The following GGT1 variants were observed in gnomAD, a reference collection of about 807,000 sequenced individuals.
GGT1 encodes glutathione hydrolase 1 proenzyme.
In GGT1, 21 loss-of-function variants were observed where a neutral mutation model predicts 56.0. The ratio of observed to expected loss-of-function variants is 0.38; its 90% CI spans 0.27 to 0.54. GGT1 has a LOEUF of 0.54. GGT1 is among the 20% of genes least tolerant of loss of function. GGT1 has a pLI of 0.82. For missense variants in GGT1, 466 were observed against 787.0 expected (o/e 0.59, Z 4.88); for synonymous variants, 238 against 342.6 (o/e 0.69, Z 3.37).
chr22:24,619,857 ACATGCAGGCACCTGCACAGACAGACACCT>A (rs2047302991), intron 7 of GGT1, among the ~76,000 whole-genome samples: 1 of 150,784 alleles, frequency 6.6e-6, no homozygotes, highest in Non-Finnish European at 1.5e-5. Context: ...AGGATTTTAG[ACATGCAGGCACCTGCACAGACAGACACCT>A]CATCCTGGGA....
intron 1 of GGT1, among the ~76,000 whole-genome samples, chr22:24,605,389 G>A (rs867323047): frequency 0.025 from 1,753 of 69,286 alleles, 264 homozygotes; most frequent in Non-Finnish European, 0.034. Context: ...ATTATAATAT[G>A]TATTATATAT....
At chr22:24,617,145 T>C (rs111389810) in intron 7 of GGT1, among the ~76,000 whole-genome samples, 6 of 152,060 alleles carry the variant, frequency 3.9e-5, no homozygotes, top group African/African-American at 9.7e-5. Context: ...AATCTGGGAC[T>C]GTATAGAGGG....
At chr22:24,601,038 T>C (rs62231204), upstream of GGT1, among the ~76,000 whole-genome samples, 13,600 of 151,438 alleles carry the variant, frequency 0.09, 1,732 homozygotes, top group African/African-American at 0.29. Context: ...TGCTATGATG[T>C]TTGGATTTGA....
At chr22:24,586,434 G>A in the GGT1 span, 4 of 1,591,710 alleles carry the variant, frequency 2.5e-6, no homozygotes, top group Non-Finnish European at 3.4e-6. Flanking sequence ...GGCAGGTGGG[G>A]ATGGACTAGG....
chr22:24,584,805 C>A, the GGT1 span, among the ~76,000 whole-genome samples: 1 of 152,104 alleles, frequency 6.6e-6, no homozygotes, highest in African/African-American at 2.4e-5. Flanking sequence ...TCTCTAAATT[C>A]CTTTCCCGCC....
At chr22:24,615,982 T>C (rs1288444163) in intron 7 of GGT1, 1 of 151,366 alleles carries the variant, frequency 6.6e-6, no homozygotes, top group Non-Finnish European at 1.5e-5. Context: ...GGTGTGGCGG[T>C]GTGTGCTTAT....
chr22:24,588,511 C>T, the GGT1 span: 2 of 749,912 alleles, frequency 2.7e-6, no homozygotes, highest in Admixed American at 2.7e-5. Context: ...TGGCACAGAG[C>T]CAGGGGAGGC....
At chr22:24,624,683 G>T in intron 11 of GGT1, 1 of 983,608 alleles carries the variant, frequency 1.0e-6, no homozygotes. Flanking sequence ...GCTGGCTCGG[G>T]GTGCTGTTCC....
At chr22:24,627,827 A>T in intron 12 of GGT1, 25 bp from the exon 13 acceptor site, 1 of 1,576,578 alleles carries the variant, frequency 6.3e-7, no homozygotes, top group Non-Finnish European at 8.7e-7. Flanking sequence ...AAGGTCGGGC[A>T]CTGTCTGACC....
Position 24,627,639 on chromosome 22 carries a change from CTGGG to C in GGT1, c.1208+25_1208+28del. On this transcript the variant is annotated intron_variant, in intron 12 of 15. Transcript: ENST00000400382. ...CCTCTAGTAGGGGCTGCTGGGCCGC[CTGGG>C]TGGGAAAGGGCCAGGGGCGGGTGGC... 2 of 1,577,170 alleles carry C rather than the reference CTGGG, an allele frequency of 1.3e-6. No individual in the cohort carries two copies. The highest frequency in any genetic ancestry group is 1.7e-6 in the Non-Finnish European group (2 of 1,162,376).
intron 11 of GGT1, among the ~76,000 whole-genome samples, chr22:24,626,129 A>G (rs1305279534): frequency 6.8e-6 from 1 of 146,420 alleles, no homozygotes; most frequent in Non-Finnish European, 1.5e-5. Context: ...AGTAGCTGGG[A>G]CTACATGTGC....
intron 7 of GGT1, among the ~76,000 whole-genome samples, chr22:24,618,909 A>C (rs1189502163): frequency 6.6e-6 from 1 of 152,054 alleles, no homozygotes; most frequent in Non-Finnish European, 1.5e-5. Flanking sequence ...AGCGGGGCTC[A>C]GGGGGGAAGC....
Position 24,628,935 on chromosome 22 carries a change from A to G in GGT1, c.*96A>G. ...TGGGGGACCGGCTTCCCCTGTGAGC[A>G]GCAGAGCAGCACAATAAATGAGGCC... On this transcript the variant is annotated 3_prime_UTR_variant, in exon 16 of 16. Transcript: ENST00000400382. This position sits in a 1 kb window ranked among gnomAD's most constrained non-coding sequence, Gnocchi z 5.7. The G allele has an allele frequency of 5.1e-6, 8 of 1,577,102 alleles. No homozygotes were observed. Among genetic ancestry groups the G allele is most frequent in the Non-Finnish European group, 6.9e-6 (8 of 1,160,212 alleles).
chr22:24,593,902 T>G (rs1358984153), upstream of GGT1, among the ~76,000 whole-genome samples: 1 of 152,218 alleles, frequency 6.6e-6, no homozygotes, highest in Non-Finnish European at 1.5e-5. Context: ...TCCTGCTTCT[T>G]GGTTTGGGGC....
At chr22:24,595,391 C>T (rs948804293) in intron 1 of GGT1, among the ~76,000 whole-genome samples, 5 of 152,216 alleles carry the variant, frequency 3.3e-5, no homozygotes, top group East Asian at 1.9e-4. Flanking sequence ...ACCTCGCTAG[C>T]CCACATGTGT....
chr22:24,599,172 T>C (rs1428041216), upstream of GGT1: 1 of 152,134 alleles, frequency 6.6e-6, no homozygotes, highest in Admixed American at 6.5e-5. Context: ...TGTTGGGCAC[T>C]GTGGATACTG....
At chr22:24,587,278 C>T in the GGT1 span, among the ~76,000 whole-genome samples, 1 of 152,274 alleles carries the variant, frequency 6.6e-6, no homozygotes, top group East Asian at 1.9e-4. Flanking sequence ...TGGGGGCCGG[C>T]CATGAGGGAG....
Position 24,620,867 on chromosome 22 carries a change from T to C in GGT1, c.576-46T>C. 1 of 1,606,522 alleles carries C rather than the reference T, an allele frequency of 6.2e-7. No individual in the cohort carries two copies. Among genetic ancestry groups the C allele is most frequent in the Non-Finnish European group, 8.5e-7 (1 of 1,176,728 alleles). On this transcript the variant is annotated intron_variant, in intron 8 of 15. Coordinates refer to ENST00000400382, the MANE Select transcript of GGT1 (RefSeq NM_001288833.2). This position sits in a 1 kb window ranked among gnomAD's most constrained non-coding sequence, Gnocchi z 5.6. ...GGACGGGTGTGAGGGGTGGTCTAGC[T>C]GAGTCCACCCCACCTGCTGCCTCAC...
chr22:24,618,016 T>A (rs1235363724), intron 7 of GGT1, among the ~76,000 whole-genome samples: 2 of 152,098 alleles, frequency 1.3e-5, no homozygotes, highest in African/African-American at 4.8e-5. Context: ...ACCAGAGAAC[T>A]TGGCAAGTGT....
Sources: allele counts gnomAD v4.1 joint callset (sites outside exome capture counted in the v4.1 genomes callset), GRCh38; gene constraint gnomAD v4.1.1; non-coding constraint Gnocchi (gnomAD v3.1); transcripts MANE v1.5; gene names NCBI Gene and HGNC (gene_info 2026-07-23, HGNC 2026-07-21).